The following SPATA20 variants were observed in gnomAD, a reference collection of about 807,000 sequenced individuals.
SPATA20 encodes spermatogenesis associated 20.
In SPATA20, 74 loss-of-function variants were observed where a neutral mutation model predicts 98.9. That is an observed-to-expected ratio of 0.75 (90% CI 0.62 to 0.91). SPATA20 has a LOEUF of 0.91. SPATA20 is among the 40% of genes least tolerant of loss of function. The probability of loss-of-function intolerance (pLI) is 0.00; values close to 1 mark genes in which losing one functional copy is unlikely to be tolerated. For synonymous variants in SPATA20, 430 were observed against 440.5 expected, an observed-to-expected ratio of 0.98 and a Z score of 0.30; for missense variants, 1,016 against 1,069.8, an observed-to-expected ratio of 0.95 and a Z score of 0.70.
chr17:50,548,761 C>T (rs1486342908), intron 4 of SPATA20, 49 bp from the exon 5 acceptor site: 4 of 1,597,392 alleles, frequency 2.5e-6, no homozygotes, highest in Non-Finnish European at 3.4e-6. Flanking sequence ...GGCCAGCCTC[C>T]CTCTGACCCG....
At position 50,554,561 on chromosome 17, in the gene SPATA20, C is replaced by CTG; in HGVS notation, c.2157+120_2157+121dup. 2.7e-6 allele frequency: 3 copies of CTG among 1,130,902 alleles called. No homozygotes were observed. In the South Asian group the frequency reaches 3.8e-5, roughly 14 times the overall value. The allele number at this position is 1,130,902 out of a possible 1,614,324, so 70.1% of individuals were successfully genotyped here. A position where few individuals can be genotyped will look rare whatever the true frequency, so the allele number is the denominator to read the frequency against. On this transcript the variant is annotated intron_variant, in intron 15 of 16. Coordinates refer to ENST00000006658, the MANE Select transcript of SPATA20 (RefSeq NM_022827.4). ...CCTGGGCTGTCCCCAGAGCTCAGGT[C>CTG]TGTGTGTGTGCAGGCACGTGGCCTG...
rs1392376835 is a variant in SPATA20, at chr17:50,548,384, G to C, written c.227G>C (p.Arg76Thr). ...KGSHPSSTPQ[R>T]VPNRLIHEKS... is the part of the protein sequence containing the mutation. ...AGCCATCCTTCATCTACACCCCAGA[G>C]GGTCCCCAACCGCCTGATCCACGAG... Residue 76 changes from arginine to threonine, a missense_variant, in exon 3 of 17, where the codon AGG becomes ACG. Physicochemically the swap from Arg to Thr is moderately conservative, Grantham distance 71. Coordinates refer to ENST00000006658, the MANE Select transcript of SPATA20 (RefSeq NM_022827.4). 1 of 1,613,906 alleles carries C rather than the reference G, an allele frequency of 6.2e-7. No individual in the cohort carries two copies. Among genetic ancestry groups the C allele is most frequent in the African/African-American group, 1.3e-5 (1 of 74,918 alleles).
chr17:50,553,925 G>A (rs1471327601), intron 14 of SPATA20, among the ~76,000 whole-genome samples: 8 of 152,136 alleles, frequency 5.3e-5, no homozygotes, highest in Admixed American at 1.3e-4. Context: ...GATTAGAAGC[G>A]GAGGGAGAGG....
In SPATA20 at chr17:50,554,278, A is replaced by G. The variant is rs1397494776; in HGVS notation, c.1985A>G (p.Asn662Ser). The G allele has an allele frequency of 2.5e-6, 4 of 1,614,172 alleles. No homozygotes were observed. Among genetic ancestry groups the G allele is most frequent in the Middle Eastern group, 1.6e-4 (1 of 6,062 alleles). ...CAGGATGGAGCAGAGCCCAGCGCCA[A>G]TTCCGTGTCAGCCCACAACCTGCTC... ...DDQDGAEPSA[N>S]SVSAHNLLRL... is the part of the protein sequence containing the mutation. The change falls in exon 15 of 17, where the codon AAT (asparagine) becomes AGT (serine). Residue 662 changes from asparagine (N) to serine (S), a missense_variant. Asn to Ser is a conservative substitution (Grantham distance 46, BLOSUM62 1). Transcript: ENST00000006658.
Position 50,547,763 on chromosome 17 carries a change from A to C in SPATA20, c.121A>C (p.Ser41Arg), listed in dbSNP as rs1450356831. The part of the protein sequence containing the change: ...WPRTWPHRSP[S>R]RGSSSRDKDR... ...CAGGACCTGGCCCCACAGGAGTCCC[A>C]GCAGGTGGGCGCTGAGTGAGGGAGT... Residue 41 changes from serine to arginine, a missense_variant, in exon 2 of 17, where the codon AGC becomes CGC. Coordinates refer to ENST00000006658, the MANE Select transcript of SPATA20 (RefSeq NM_022827.4). 1.3e-6 allele frequency: 1 copy of C among 784,650 alleles called. No homozygotes were observed. Among genetic ancestry groups the C allele is most frequent in the Non-Finnish European group, 2.4e-6 (1 of 421,636 alleles). 48.6% of individuals were successfully genotyped at this position (784,650 alleles called of 1,614,324 possible).
At chr17:50,548,024 C>A in intron 2 of SPATA20, 2 of 1,470,782 alleles carry the variant, frequency 1.4e-6, no homozygotes, top group South Asian at 2.8e-5. Context: ...GACCTCACAG[C>A]CATCCTTCCC....
rs749784834 is a variant in SPATA20, at chr17:50,549,274, C to G, written c.661-12C>G. 1.2e-6 allele frequency: 2 copies of G among 1,607,296 alleles called. No homozygotes were observed. Among genetic ancestry groups the G allele is most frequent in the East Asian group, 2.2e-5 (1 of 44,724 alleles). On this transcript the variant is annotated splice_polypyrimidine_tract_variant and intron_variant, in intron 6 of 16. Transcript: ENST00000006658. ...CCTAGCTGACCTCCAGGTGTGCCCCCACCTCCCGCAGTGGAAACAGAACAA... is the reference window on the plus strand; with the variant it reads ...CCTAGCTGACCTCCAGGTGTGCCCCGACCTCCCGCAGTGGAAACAGAACAA...
chr17:50,547,698 C>T lies in SPATA20; in HGVS notation c.78-22C>T, dbSNP rs753064463. 7 of 780,960 alleles carry T rather than the reference C, an allele frequency of 9.0e-6. No homozygotes were observed. In the East Asian group the frequency reaches 1.7e-4, roughly 19 times the overall value. The allele number at this position is 780,960 out of a possible 1,614,324, so 48.4% of individuals were successfully genotyped here. A position where few individuals can be genotyped will look rare whatever the true frequency, so the allele number is the denominator to read the frequency against. ...GCAGTCCCACTTCCAGGCTGAACTC[C>T]CTGAGGTCTCTGATTCCCTAGGTGT... On this transcript the variant is annotated intron_variant, in intron 1 of 16. Transcript: ENST00000006658.
intron 12 of SPATA20, 139 bp downstream of exon 12, chr17:50,551,329 T>C: frequency 8.5e-7 from 1 of 1,171,702 alleles, no homozygotes; most frequent in Non-Finnish European, 1.2e-6. Flanking sequence ...CTTAAGGAGC[T>C]TGAGTAACCC....
At chr17:50,550,166 G>A in intron 8 of SPATA20, 42 bp from the exon 9 acceptor site, 2 of 1,612,434 alleles carry the variant, frequency 1.2e-6, no homozygotes, top group Non-Finnish European at 1.7e-6. Context: ...CTGTGGGGTG[G>A]GGCAGAAGCT....
intron 15 of SPATA20, among the ~76,000 whole-genome samples, chr17:50,554,743 C>T (rs1368227903): frequency 6.6e-6 from 1 of 151,904 alleles, no homozygotes; most frequent in South Asian, 2.1e-4. Context: ...TGTCTGTGCA[C>T]CTACCTTTGA....
At chr17:50,548,725 C>G in intron 4 of SPATA20, 85 bp from the exon 5 acceptor site, 2 of 1,588,714 alleles carry the variant, frequency 1.3e-6, no homozygotes, top group South Asian at 1.1e-5. Flanking sequence ...GAGGCCAGGA[C>G]GTCTTCCATG....
chr17:50,548,251 C>T, intron 2 of SPATA20, 32 bp from the exon 3 acceptor site: 1 of 1,607,034 alleles, frequency 6.2e-7, no homozygotes, highest in South Asian at 1.1e-5. Context: ...GGTGGAGGCC[C>T]CTGGCTTGCC....
At chr17:50,548,725 C>T (rs979008061) in intron 4 of SPATA20, 85 bp from the exon 5 acceptor site, 35 of 1,588,596 alleles carry the variant, frequency 2.2e-5, no homozygotes, top group African/African-American at 1.5e-4. Context: ...GAGGCCAGGA[C>T]GTCTTCCATG....
chr17:50,547,658 T>C, intron 1 of SPATA20, 62 bp from the exon 2 acceptor site: 1 of 780,170 alleles, frequency 1.3e-6, no homozygotes, highest in Non-Finnish European at 2.4e-6. Context: ...GACCTTTCGT[T>C]ATTTAGGTCT....
Position 50,549,493 on chromosome 17 carries a change from T to C in SPATA20, c.862+6T>C. ...CCCCAAGTTTCCCACGCCGGGTCAGTGCCCCACGCCCGCCTTAGCCCAGGC... is the reference window on the plus strand; with the variant it reads ...CCCCAAGTTTCCCACGCCGGGTCAGCGCCCCACGCCCGCCTTAGCCCAGGC... On this transcript the variant is annotated splice_donor_region_variant and intron_variant, in intron 7 of 16. Transcript: ENST00000006658. The C allele has an allele frequency of 6.2e-7, 1 of 1,610,004 alleles. No individual in the cohort carries two copies.
At chr17:50,554,500 G>A (rs1434126545) in intron 15 of SPATA20, 50 bp downstream of exon 15, 1 of 1,570,608 alleles carries the variant, frequency 6.4e-7, no homozygotes, top group Non-Finnish European at 8.7e-7. Context: ...AGGGAAGTTG[G>A]GGCTGCGATG....
In SPATA20 at chr17:50,551,216, C is replaced by T. The variant is rs749506186; in HGVS notation, c.1576+26C>T. ...GTGGGGCAGCACACCTGAGACCGAGCCTGTCTGTAGGATCCCCCTTCACAA... is the reference window on the plus strand; with the variant it reads ...GTGGGGCAGCACACCTGAGACCGAGTCTGTCTGTAGGATCCCCCTTCACAA... On this transcript the variant is annotated intron_variant, in intron 12 of 16. Transcript: ENST00000006658. 6 of 1,587,516 alleles carry T rather than the reference C, an allele frequency of 3.8e-6. No homozygotes were observed. In the East Asian group the frequency reaches 1.1e-4, roughly 30 times the overall value.
At chr17:50,547,645 A>G (rs746652662) in intron 1 of SPATA20, 75 bp from the exon 2 acceptor site, 2 of 778,390 alleles carry the variant, frequency 2.6e-6, no homozygotes, top group Middle Eastern at 2.3e-4. Context: ...TTATTGCTGC[A>G]TGGACCTTTC....
Sources: allele counts gnomAD v4.1 joint callset (sites outside exome capture counted in the v4.1 genomes callset), GRCh38; gene constraint gnomAD v4.1.1; transcripts MANE v1.5; gene names NCBI Gene and HGNC (gene_info 2026-07-23, HGNC 2026-07-21).